The following ZNF493 variants were observed in gnomAD, a reference collection of about 807,000 sequenced individuals.
ZNF493 encodes zinc finger protein 493.
Under a neutral mutation model 12.2 loss-of-function variants are expected in ZNF493, and 11 were observed. The ratio of observed to expected loss-of-function variants is 0.90; its 90% confidence interval spans 0.57 to 1.50. The LOEUF is 1.50. ZNF493 is among the 40% of genes most tolerant of loss of function. The pLI is 0.00. For synonymous variants in ZNF493, 286 were observed against 302.6 expected (o/e 0.95, Z 0.57); for missense variants, 950 against 906.6 (o/e 1.05, Z -0.61).
At chr19:21,406,852 C>T (rs926483489) in intron 3 of ZNF493, among the ~76,000 whole-genome samples, 6 of 151,370 alleles carry the variant, frequency 4.0e-5, no homozygotes, top group Non-Finnish European at 7.4e-5. Flanking sequence ...TTTGATAGGT[C>T]GTTTGCTGAA....
At chr19:21,400,976 G>C (rs1341852166) in intron 1 of ZNF493, among the ~76,000 whole-genome samples, 5 of 152,136 alleles carry the variant, frequency 3.3e-5, no homozygotes, top group Non-Finnish European at 5.9e-5. Flanking sequence ...TTCTGGCCGA[G>C]ACTTTGAATT....
At chr19:21,410,619 G>T (rs939494114) in intron 3 of ZNF493, among the ~76,000 whole-genome samples, 5 of 151,630 alleles carry the variant, frequency 3.3e-5, no homozygotes, top group African/African-American at 9.7e-5. Context: ...TATGATTTTT[G>T]AATTTTCTTA....
chr19:21,416,305 G>A (rs2030492709), intron 3 of ZNF493, among the ~76,000 whole-genome samples: 1 of 152,020 alleles, frequency 6.6e-6, no homozygotes, highest in South Asian at 2.1e-4. Context: ...TGTTCTTTGA[G>A]GGCTATATAA....
In ZNF493 at chr19:21,423,376, A is replaced by T; in HGVS notation, c.717A>T (p.Lys239Asn). 1 of 1,613,742 alleles carries T rather than the reference A, an allele frequency of 6.2e-7. No homozygotes were observed. Among genetic ancestry groups the T allele is most frequent in the African/African-American group, 1.3e-5 (1 of 75,002 alleles). The change falls in exon 4 of 4, where the codon AAA becomes AAT. Residue 239 changes from lysine (K) to asparagine (N), a missense_variant. Lys to Asn is a moderately conservative substitution (Grantham distance 94). Transcript: ENST00000392288. ...TTCATACTGGAGAGAAATCCTACAA[A>T]TATGAATGTGGCAAATCTTTTAACC... ...RRVHTGEKSY[K>N]YECGKSFNQD...
intron 3 of ZNF493, 51 bp downstream of exon 3, chr19:21,405,907 T>TA (rs386388731): frequency 0.033 from 5,899 of 179,844 alleles, 51 homozygotes; most frequent in South Asian, 0.066. Flanking sequence ...TTGAAAGATT[T>TA]AAAAAAAAAA....
intron 1 of ZNF493, chr19:21,397,727 A>G: frequency 3.3e-6 from 1 of 305,258 alleles, no homozygotes; most frequent in Non-Finnish European, 6.0e-6. Flanking sequence ...AGAATTGTAG[A>G]GCACCCAGCT....
intron 3 of ZNF493, chr19:21,412,901 C>T: frequency 2.3e-6 from 1 of 433,536 alleles, no homozygotes; most frequent in Non-Finnish European, 4.5e-6. Flanking sequence ...TTGTGTTTAG[C>T]TCCTACAGCA....
chr19:21,419,104 C>T (rs2030579208), intron 3 of ZNF493, among the ~76,000 whole-genome samples: 5 of 152,014 alleles, frequency 3.3e-5, no homozygotes, highest in Admixed American at 3.3e-4. Context: ...TGTGGAAGAC[C>T]TTGGCTTGTT....
intron 3 of ZNF493, chr19:21,408,381 T>A: frequency 1.1e-6 from 1 of 951,916 alleles, no homozygotes. Flanking sequence ...CCACCCGCCT[T>A]GGCCTCCTGG....
chr19:21,398,058 G>A lies in ZNF493; in HGVS notation c.30+791G>A, dbSNP rs1037252251. ...ACTTAATTATTTTCACACTCCACAG[G>A]GAACTGATTTTCTGCTGTATTTTTC... is the stretch of plus-strand genomic sequence containing the variant. On this transcript the variant is annotated intron_variant, in intron 1 of 3. Coordinates refer to ENST00000392288, the MANE Select transcript of ZNF493 (RefSeq NM_001076678.3). 5 of 152,208 alleles carry A rather than the reference G, an allele frequency of 3.3e-5. No homozygotes were observed. In the East Asian group the frequency reaches 9.6e-4, roughly 29 times the overall value. The allele number at this position is 152,208 out of a possible 1,614,324, so 9.4% of individuals were successfully genotyped here. A position where few individuals can be genotyped will look rare whatever the true frequency, so the allele number is the denominator to read the frequency against.
At chr19:21,400,862 T>G (rs2029917921) in intron 1 of ZNF493, among the ~76,000 whole-genome samples, 1 of 152,338 alleles carries the variant, frequency 6.6e-6, no homozygotes, top group Non-Finnish European at 1.5e-5. Flanking sequence ...CTACTGAGAC[T>G]GTAGGGTTTT....
Position 21,423,602 on chromosome 19 carries a change from C to T in ZNF493, c.943C>T (p.His315Tyr), listed in dbSNP as rs777016756. The change falls in exon 4 of 4, where the codon CAT becomes TAT. Residue 315 changes from histidine (H) to tyrosine (Y), a missense_variant. Physicochemically the swap from His to Tyr is moderately conservative, Grantham distance 83. Coordinates refer to ENST00000392288, the MANE Select transcript of ZNF493 (RefSeq NM_001076678.3). ...AACCCTTACTGGACATAAGATAATT[C>T]ATAATGGAGAAAAACCCTATAAATG... ...SSTLTGHKII[H>Y]NGEKPYKCEE... 1 of 1,609,526 alleles carries T rather than the reference C, an allele frequency of 6.2e-7. No homozygotes were observed. Among genetic ancestry groups the T allele is most frequent in the Non-Finnish European group, 8.5e-7 (1 of 1,179,354 alleles).
At chr19:21,413,399 T>C in intron 3 of ZNF493, 2 of 406,996 alleles carry the variant, frequency 4.9e-6, no homozygotes, top group East Asian at 7.1e-5. Flanking sequence ...CTCATGGCAA[T>C]GGTGATAACT....
At chr19:21,400,196 G>A (rs531564389) in intron 1 of ZNF493, among the ~76,000 whole-genome samples, 5 of 152,226 alleles carry the variant, frequency 3.3e-5, no homozygotes, top group African/African-American at 9.6e-5. Flanking sequence ...TAGATCACAA[G>A]GTCAAGAGAT....
At chr19:21,403,609 A>C (rs1345987054) in intron 1 of ZNF493, among the ~76,000 whole-genome samples, 1 of 151,880 alleles carries the variant, frequency 6.6e-6, no homozygotes, top group Non-Finnish European at 1.5e-5. Flanking sequence ...TTCTCCAGAG[A>C]ATGTCATCTG....
rs576498896 is a variant in ZNF493 at position 21,410,690 on chromosome 19, A to G, written c.253+4834A>G. Among the ~76,000 whole-genome samples the G allele has an allele frequency of 3.3e-5, 5 of 152,128 alleles. No individual in the cohort carries two copies. The East Asian group carries it at 9.7e-4, about 29-fold the overall frequency. ...TTTTCTGTTTTTTTCTTTGTTGTTCATGCATTTAATATCATATCTAAGAAA... is the reference window on the plus strand; with the variant it reads ...TTTTCTGTTTTTTTCTTTGTTGTTCGTGCATTTAATATCATATCTAAGAAA... On this transcript the variant is annotated intron_variant, in intron 3 of 3. Coordinates refer to ENST00000392288, the MANE Select transcript of ZNF493 (RefSeq NM_001076678.3).
intron 3 of ZNF493, 24 bp downstream of exon 3, chr19:21,405,880 T>C (rs1325026351): frequency 1.3e-6 from 1 of 793,190 alleles, no homozygotes; most frequent in Admixed American, 3.0e-5. Context: ...AATGAAACAG[T>C]TGACATAGAT....
intron 1 of ZNF493, among the ~76,000 whole-genome samples, chr19:21,402,277 A>G (rs1039799366): frequency 3.9e-5 from 6 of 152,140 alleles, no homozygotes; most frequent in African/African-American, 1.4e-4. Flanking sequence ...CTGGCCAGCT[A>G]TTTATTACTA....
Position 21,424,695 on chromosome 19 carries a change from A to C in ZNF493, c.2036A>C (p.His679Pro). The C allele has an allele frequency of 6.2e-7, 1 of 1,613,726 alleles. No homozygotes were observed. The highest frequency in any genetic ancestry group is 8.5e-7 in the Non-Finnish European group (1 of 1,179,738). ...FSTLTKHKII[H>P]TEEKPYKCEK... ...ACCCTTACTAAACATAAGATAATTC[A>C]TACTGAAGAGAAACCCTACAAATGT... The change falls in exon 4 of 4, where the codon CAT becomes CCT. Residue 679 changes from histidine (H) to proline (P), a missense_variant. His to Pro is a moderately conservative substitution (Grantham distance 77, BLOSUM62 -2). Coordinates refer to ENST00000392288, the MANE Select transcript of ZNF493 (RefSeq NM_001076678.3).
Sources: allele counts gnomAD v4.1 joint callset (sites outside exome capture counted in the v4.1 genomes callset), GRCh38; gene constraint gnomAD v4.1.1; transcripts MANE v1.5; gene names NCBI Gene and HGNC (gene_info 2026-07-23, HGNC 2026-07-21).